The following CSMD1 variants were observed in gnomAD, a reference collection of about 807,000 sequenced individuals.
The protein encoded by CSMD1 is CUB and sushi domain-containing protein 1.
CSMD1 carries 213 observed loss-of-function variants against 417.5 expected under a neutral mutation model. That is an observed-to-expected ratio of 0.51 (90% confidence interval 0.46 to 0.57). CSMD1 has a LOEUF of 0.57. Among genes scored for constraint, CSMD1 ranks in the 20% least tolerant of loss-of-function variants. The pLI is 0.00. For synonymous variants in CSMD1, 2,862 were observed against 1,736.8 expected (o/e 1.65, Z -16.11); for missense variants, 6,923 against 4,529.7 (o/e 1.53, Z -15.17).
intron 1 of CSMD1, among the ~76,000 whole-genome samples, chr8:4,787,147 C>T (rs1787129092): frequency 6.6e-6 from 1 of 152,194 alleles, no homozygotes; most frequent in South Asian, 2.1e-4. Context: ...CCGCCTATAC[C>T]CCTCCGGGTT....
chr8:3,656,543 T>C (rs1798120150), intron 7 of CSMD1, among the ~76,000 whole-genome samples: 1 of 152,216 alleles, frequency 6.6e-6, no homozygotes, highest in Non-Finnish European at 1.5e-5. Context: ...AATGGGTAGA[T>C]GCTCAAATGA....
At chr8:2,981,422 C>T (rs1414016585) in intron 54 of CSMD1, among the ~76,000 whole-genome samples, 1 of 150,958 alleles carries the variant, frequency 6.6e-6, no homozygotes, top group East Asian at 1.9e-4. Context: ...CCACCTGCAG[C>T]GACTCCAGAC....
chr8:3,941,666 C>G (rs1357928884), intron 5 of CSMD1, among the ~76,000 whole-genome samples: 1 of 152,124 alleles, frequency 6.6e-6, no homozygotes, highest in African/African-American at 2.4e-5. Context: ...TGCAAGCCCA[C>G]GCAGAGTTTG....
At chr8:3,711,243 T>C (rs1801491433) in intron 6 of CSMD1, among the ~76,000 whole-genome samples, 1 of 152,114 alleles carries the variant, frequency 6.6e-6, no homozygotes. Flanking sequence ...TCCAATGTGG[T>C]TACATGGCTG....
rs1225488985 is a variant in CSMD1 at position 4,031,987 on chromosome 8, G to C, written c.528C>G (p.Ile176Met). 3.1e-6 allele frequency: 5 copies of C among 1,613,850 alleles called. No homozygotes were observed. Among genetic ancestry groups the C allele is most frequent in the Admixed American group, 1.7e-5 (1 of 60,006 alleles). ...AGGTCAGGATGGCGTGGCCTTCCAA[G>C]ATGTAGCCAGGGAGGCAGCTGTACC... ...KIRYSCLPGY[I>M]LEGHAILTCI... The change falls in exon 4 of 70, where the codon ATC (isoleucine) becomes ATG (methionine). Residue 176 changes from isoleucine (I) to methionine (M), a missense_variant. Ile to Met is a conservative substitution (Grantham distance 10). Coordinates refer to ENST00000635120, the MANE Select transcript of CSMD1 (RefSeq NM_033225.6).
rs534248690 is a variant in CSMD1 at position 3,178,717 on chromosome 8, T to C, written c.5725+2393A>G. On this transcript the variant is annotated intron_variant, in intron 37 of 69. Transcript: ENST00000635120. Reference sequence around the variant, plus strand: ...AACAAGTTTAGAGCAAGACCTGGCATAGAGTAAGCGTCTACTTTTTTTTTC... The same window carrying C: ...AACAAGTTTAGAGCAAGACCTGGCACAGAGTAAGCGTCTACTTTTTTTTTC... 1.3e-3 allele frequency among the ~76,000 whole-genome samples: 196 copies of C among 152,292 alleles called. 2 individuals are homozygous for C. The highest frequency in any genetic ancestry group is 2.9e-4 in the Non-Finnish European group (20 of 68,022).
chr8:3,600,470 C>G (rs1014845611), intron 8 of CSMD1, among the ~76,000 whole-genome samples: 4 of 152,182 alleles, frequency 2.6e-5, no homozygotes, highest in African/African-American at 9.7e-5. Flanking sequence ...GTATCAGAAT[C>G]ATTCAGGGTT....
intron 5 of CSMD1, among the ~76,000 whole-genome samples, chr8:3,793,922 CTT>C (rs1187273048): frequency 6.6e-6 from 1 of 152,130 alleles, no homozygotes; most frequent in Non-Finnish European, 1.5e-5. Flanking sequence ...CTGTGATTCT[CTT>C]GATACTCTCC....
At chr8:3,790,389 G>T (rs1391927649) in intron 5 of CSMD1, among the ~76,000 whole-genome samples, 3 of 152,132 alleles carry the variant, frequency 2.0e-5, no homozygotes, top group Non-Finnish European at 4.4e-5. Context: ...TGATGATGGT[G>T]ATGTTTGACA....
chr8:4,145,236 T>A (rs1714809), intron 3 of CSMD1, among the ~76,000 whole-genome samples: 1 of 150,732 alleles, frequency 6.6e-6, no homozygotes, highest in African/African-American at 2.5e-5. Context: ...AATAGGACAT[T>A]CATGACCTGG....
chr8:3,828,795 G>A (rs984278200), intron 5 of CSMD1, among the ~76,000 whole-genome samples: 1 of 152,008 alleles, frequency 6.6e-6, no homozygotes, highest in South Asian at 2.1e-4. Context: ...TCCTTCCACT[G>A]CACCTCAAGT....
intron 5 of CSMD1, among the ~76,000 whole-genome samples, chr8:3,968,503 C>T (rs532069398): frequency 1.3e-5 from 2 of 151,974 alleles, no homozygotes; most frequent in African/African-American, 2.4e-5. Flanking sequence ...ATTCAAAATA[C>T]TTAATAAAGC....
intron 23 of CSMD1, among the ~76,000 whole-genome samples, chr8:3,342,214 C>T (rs62504779): frequency 0.11 from 16,366 of 152,190 alleles, 1,162 homozygotes; most frequent in Non-Finnish European, 0.16. Flanking sequence ...TACAATTCTT[C>T]ACCTGTGATT....
At chr8:4,107,204 C>T (rs550466168) in intron 3 of CSMD1, among the ~76,000 whole-genome samples, 1 of 152,192 alleles carries the variant, frequency 6.6e-6, no homozygotes, top group Admixed American at 6.5e-5. Context: ...AAAACACTTG[C>T]ACTACTACAG....
intron 5 of CSMD1, among the ~76,000 whole-genome samples, chr8:3,946,310 C>G: frequency 6.6e-6 from 1 of 152,220 alleles, no homozygotes; most frequent in Middle Eastern, 3.4e-3. Context: ...AGTGTTATCT[C>G]TTCTTTACGG....
At chr8:3,615,344 G>T (rs762182839) in intron 8 of CSMD1, among the ~76,000 whole-genome samples, 84 of 152,230 alleles carry the variant, frequency 5.5e-4, no homozygotes, top group Non-Finnish European at 1.1e-3. Flanking sequence ...ACATCCTTCT[G>T]CTTAGCTCTT....
In CSMD1 at chr8:4,131,376, T is replaced by C. The variant is rs543027181; in HGVS notation, c.416-99277A>G. Reference sequence around the variant, plus strand: ...CTACACGCTCCTCAAAATAATATTCTAATCACATCCCTTAAGCCTTCCTTG... The same window carrying C: ...CTACACGCTCCTCAAAATAATATTCCAATCACATCCCTTAAGCCTTCCTTG... On this transcript the variant is annotated intron_variant, in intron 3 of 69. Transcript: ENST00000635120. 2.6e-5 allele frequency among the ~76,000 whole-genome samples: 4 copies of C among 152,274 alleles called. No homozygotes were observed. The East Asian group carries it at 7.7e-4, about 29-fold the overall frequency.
intron 11 of CSMD1, among the ~76,000 whole-genome samples, chr8:3,483,458 C>T (rs1007580301): frequency 6.6e-6 from 1 of 151,894 alleles, no homozygotes; most frequent in Non-Finnish European, 1.5e-5. Context: ...TCTAAATAGT[C>T]CTTTATTATA....
At chr8:3,855,155 A>G (rs140421040) in intron 5 of CSMD1, among the ~76,000 whole-genome samples, 2 of 152,306 alleles carry the variant, frequency 1.3e-5, no homozygotes, top group African/African-American at 4.8e-5. Flanking sequence ...TAATGTTTCT[A>G]ATTAAGACAA....
Sources: gnomAD v4.1 joint callset for allele counts (sites outside exome capture counted in the v4.1 genomes callset) on GRCh38, gnomAD v4.1.1 for gene constraint, MANE v1.5 for transcripts, NCBI Gene and HGNC (gene_info 2026-07-23, HGNC 2026-07-21) for gene names.